MARCHF8: variants seen among roughly 807,000 people sequenced by gnomAD.
The protein encoded by MARCHF8 is E3 ubiquitin-protein ligase MARCHF8.
A neutral mutation model predicts 51.6 loss-of-function variants in MARCHF8; 40 were observed. The observed-to-expected ratio is 0.77, with a 90% CI of 0.60 to 1.01. The LOEUF (loss-of-function observed/expected upper bound fraction) is 1.01, where lower values mean the gene tolerates loss of function less well. MARCHF8 is among the 50% of genes least tolerant of loss of function. The pLI, the probability that MARCHF8 is intolerant of heterozygous loss-of-function variation, is 0.00. For synonymous variants in MARCHF8, 263 were observed against 280.3 expected, an observed-to-expected ratio of 0.94 and a Z score of 0.62; for missense variants, 685 against 708.6, an observed-to-expected ratio of 0.97 and a Z score of 0.38.
At position 45,535,220 on chromosome 10, in the gene MARCHF8, G is replaced by C. The variant is rs1024420547; in HGVS notation, c.-88C>G. Reference sequence around the variant, plus strand: ...AACAAGAGGCACTTACTGCGGAGCTGCCTTATACTCCCTGGGAGATCACAA... The same window carrying C: ...AACAAGAGGCACTTACTGCGGAGCTCCCTTATACTCCCTGGGAGATCACAA... On this transcript the variant is annotated 5_prime_UTR_variant, in exon 1 of 8. Coordinates refer to ENST00000453424, the MANE Select transcript of MARCHF8 (RefSeq NM_001282866.2). 6 of 152,222 alleles carry C rather than the reference G, an allele frequency of 3.9e-5. No individual in the cohort carries two copies. Among genetic ancestry groups the C allele is most frequent in the Admixed American group, 3.9e-4 (6 of 15,286 alleles). 9.4% of individuals were successfully genotyped at this position (152,222 alleles called of 1,614,324 possible).
chr10:45,495,868 G>GAGAAA (rs556293416), intron 2 of MARCHF8, among the ~76,000 whole-genome samples: 8 of 151,304 alleles, frequency 5.3e-5, no homozygotes, highest in East Asian at 3.9e-4. Context: ...GAAGAGAAGA[G>GAGAAA]AGAAAAGAAA....
At chr10:45,466,353 G>C (rs1329760293) in intron 3 of MARCHF8, among the ~76,000 whole-genome samples, 1 of 152,146 alleles carries the variant, frequency 6.6e-6, no homozygotes, top group South Asian at 2.1e-4. Context: ...ACACACATAG[G>C]CAAGGCTAAA....
chr10:45,569,730 A>C (rs919550205), intron 1 of MARCHF8, among the ~76,000 whole-genome samples: 10 of 152,188 alleles, frequency 6.6e-5, no homozygotes, highest in African/African-American at 2.4e-4. Flanking sequence ...CACTTCAAGT[A>C]TTGATTTAGG....
chr10:45,488,047 C>T (rs2043014969), intron 3 of MARCHF8, among the ~76,000 whole-genome samples: 2 of 152,052 alleles, frequency 1.3e-5, no homozygotes, highest in Non-Finnish European at 2.9e-5. Context: ...GGAGCACTGC[C>T]TGGAAGCAAG....
chr10:45,475,032 T>G (rs1457707838), intron 3 of MARCHF8, among the ~76,000 whole-genome samples: 1 of 152,168 alleles, frequency 6.6e-6, no homozygotes, highest in Non-Finnish European at 1.5e-5. Context: ...GAGAGCCCAG[T>G]CCTCAGGAGA....
At chr10:45,505,833 T>G (rs766377052) in intron 2 of MARCHF8, among the ~76,000 whole-genome samples, 6 of 152,252 alleles carry the variant, frequency 3.9e-5, no homozygotes, top group Non-Finnish European at 8.8e-5. Context: ...TCACCACGAA[T>G]CAATTAAGAA....
At chr10:45,489,317 G>T in intron 3 of MARCHF8, 50 bp downstream of exon 3, 10 of 1,346,542 alleles carry the variant, frequency 7.4e-6, no homozygotes, top group African/African-American at 1.5e-5. Flanking sequence ...TAAGGCATAA[G>T]AACAGAAAAG....
intron 1 of MARCHF8, among the ~76,000 whole-genome samples, chr10:45,565,181 AGCACTTTAG>A (rs2044351014): frequency 6.6e-6 from 1 of 152,106 alleles, no homozygotes; most frequent in South Asian, 2.1e-4. Flanking sequence ...CTGTAATCCC[AGCACTTTAG>A]GAGGCCAAGG....
intron 1 of MARCHF8, among the ~76,000 whole-genome samples, chr10:45,580,094 T>C (rs376428085): frequency 5.3e-5 from 8 of 151,522 alleles, no homozygotes; most frequent in African/African-American, 1.9e-4. Flanking sequence ...GACTAAAATT[T>C]ATGCTGAAGA....
exon 1 of MARCHF8, chr10:45,594,246 T>A (rs2044711768): frequency 6.6e-6 from 1 of 152,272 alleles, no homozygotes; most frequent in Non-Finnish European, 1.5e-5. Flanking sequence ...TATGCTTTCC[T>A]TCTGGCACCC....
chr10:45,493,482 G>A (rs1339246310), intron 2 of MARCHF8, among the ~76,000 whole-genome samples: 1 of 152,074 alleles, frequency 6.6e-6, no homozygotes, highest in Non-Finnish European at 1.5e-5. Context: ...ACATCTCTCT[G>A]GTGGGCTCTT....
At chr10:45,567,179 G>C (rs779094181) in intron 1 of MARCHF8, among the ~76,000 whole-genome samples, 26 of 152,084 alleles carry the variant, frequency 1.7e-4, no homozygotes, top group Non-Finnish European at 2.8e-4. Context: ...TGGTTATTAA[G>C]CCCTTGCCAG....
chr10:45,577,921 C>A (rs571442138), intron 1 of MARCHF8, among the ~76,000 whole-genome samples: 1 of 151,992 alleles, frequency 6.6e-6, no homozygotes, highest in East Asian at 1.9e-4. Flanking sequence ...CTTGGGAAAC[C>A]AAGGTAGGGG....
At chr10:45,460,827 T>C (rs1842761442) in intron 6 of MARCHF8, among the ~76,000 whole-genome samples, 1 of 152,170 alleles carries the variant, frequency 6.6e-6, no homozygotes, top group African/African-American at 2.4e-5. Flanking sequence ...ACAAATAAAT[T>C]TACTGTATGC....
chr10:45,482,355 A>G (rs1202740785), intron 3 of MARCHF8, among the ~76,000 whole-genome samples: 1 of 152,246 alleles, frequency 6.6e-6, no homozygotes, highest in Non-Finnish European at 1.5e-5. Flanking sequence ...CAAATAGCCA[A>G]AACAATCCTA....
chr10:45,532,508 G>A (rs573536044), intron 2 of MARCHF8, among the ~76,000 whole-genome samples: 1 of 152,266 alleles, frequency 6.6e-6, no homozygotes, highest in South Asian at 2.1e-4. Flanking sequence ...CCTCTCCATG[G>A]GATCAGTCCT....
At chr10:45,564,703 G>A (rs2044345529) in intron 1 of MARCHF8, among the ~76,000 whole-genome samples, 1 of 151,498 alleles carries the variant, frequency 6.6e-6, no homozygotes, top group Non-Finnish European at 1.5e-5. Context: ...ATAAACTGCT[G>A]AAAACCAAAA....
At chr10:45,464,386 G>T in intron 3 of MARCHF8, 59 bp from the exon 4 acceptor site, 1 of 1,418,772 alleles carries the variant, frequency 7.0e-7, no homozygotes, top group Non-Finnish European at 1.0e-6. Context: ...TGTGTGCACT[G>T]TCTCCTGAAT....
chr10:45,578,364 T>A (rs1381227742), intron 1 of MARCHF8, among the ~76,000 whole-genome samples: 9 of 152,204 alleles, frequency 5.9e-5, no homozygotes, highest in Admixed American at 5.2e-4. Context: ...AAATTTGGGA[T>A]GATTTTAGTA....
Sources: allele counts gnomAD v4.1 joint callset (sites outside exome capture counted in the v4.1 genomes callset), GRCh38; gene constraint gnomAD v4.1.1; transcripts MANE v1.5; gene names NCBI Gene and HGNC (gene_info 2026-07-23, HGNC 2026-07-21).